JAK2: variants seen among roughly 807,000 people sequenced by gnomAD.
JAK2 encodes Janus kinase 2.
A neutral mutation model predicts 139.3 loss-of-function variants in JAK2; 86 were observed. The ratio of observed to expected loss-of-function variants is 0.62; its 90% CI spans 0.52 to 0.74. The LOEUF (loss-of-function observed/expected upper bound fraction) is 0.74. JAK2 is among the 30% of genes least tolerant of loss of function. The pLI is 0.00. For missense variants in JAK2, 1,421 were observed against 1,360.3 expected (o/e 1.04, Z -0.70); for synonymous variants, 490 against 437.7 (o/e 1.12, Z -1.49).
Position 5,044,524 on chromosome 9 carries a change from T to A in JAK2, c.468+4T>A. ...CATGTCTTACCTCTTTGCTCAGGTA[T>A]GATTATATTATCTTACTTGTACATG... is the stretch of plus-strand genomic sequence containing the variant. On this transcript the variant is annotated splice_donor_region_variant and intron_variant, in intron 5 of 24. Transcript: ENST00000381652. The A allele has an allele frequency of 1.3e-6, 2 of 1,487,634 alleles. No homozygotes were observed. The highest frequency in any genetic ancestry group is 1.9e-6 in the Non-Finnish European group (2 of 1,076,914). The allele number at this position is 1,487,634 out of a possible 1,614,324, so 92.2% of individuals were successfully genotyped here.
intron 5 of JAK2, among the ~76,000 whole-genome samples, chr9:5,050,180 T>C (rs893352768): frequency 7.9e-5 from 12 of 152,374 alleles, no homozygotes; most frequent in African/African-American, 2.9e-4. Flanking sequence ...GTTGATGTTA[T>C]ATGTACTCTG....
At chr9:5,057,290 T>C (rs978060883) in intron 8 of JAK2, among the ~76,000 whole-genome samples, 1 of 152,116 alleles carries the variant, frequency 6.6e-6, no homozygotes, top group African/African-American at 2.4e-5. Context: ...TAATTTTTGC[T>C]TATTATTGCA....
At chr9:5,079,588 G>A (rs1445100129) in intron 16 of JAK2, among the ~76,000 whole-genome samples, 15 of 151,392 alleles carry the variant, frequency 9.9e-5, no homozygotes, top group Non-Finnish European at 1.5e-5. Flanking sequence ...TACTACTTAC[G>A]CATTATGAAG....
chr9:5,060,423 C>G (rs945318381), intron 8 of JAK2, among the ~76,000 whole-genome samples: 5 of 152,158 alleles, frequency 3.3e-5, no homozygotes, highest in Non-Finnish European at 7.3e-5. Context: ...CCTCTCAAAC[C>G]CTGCCACTGC....
At chr9:5,039,001 C>A (rs529346074) in intron 4 of JAK2, among the ~76,000 whole-genome samples, 1 of 152,178 alleles carries the variant, frequency 6.6e-6, no homozygotes, top group South Asian at 2.1e-4. Context: ...TGGCAAGGAA[C>A]TTCCTCAATT....
chr9:5,124,352 T>C (rs545595631), intron 23 of JAK2, among the ~76,000 whole-genome samples: 73 of 151,912 alleles, frequency 4.8e-4, no homozygotes, highest in African/African-American at 1.7e-3. Flanking sequence ...AGATCTTACA[T>C]TTAAGTCTGT....
chr9:5,055,781 A>C lies in JAK2; in HGVS notation c.1049A>C (p.Lys350Thr). The C allele has an allele frequency of 6.2e-7, 1 of 1,610,004 alleles. No homozygotes were observed. Among genetic ancestry groups the C allele is most frequent in the Non-Finnish European group, 8.5e-7 (1 of 1,177,352 alleles). The change falls in exon 8 of 25, where the codon AAA becomes ACA. Residue 350 changes from lysine to threonine, a missense_variant. Coordinates refer to ENST00000381652, the MANE Select transcript of JAK2 (RefSeq NM_004972.4). ...GTAACTATCCATAAGCAAGATGGTA[A>C]AAATCTGGTAAGTTTGCTTTATGAT... ...RVVTIHKQDG[K>T]NLEIELSSLR... is the part of the protein sequence containing the mutation.
chr9:4,984,693 C>A (rs899675615), upstream of JAK2: 32 of 152,062 alleles, frequency 2.1e-4, no homozygotes, highest in African/African-American at 6.5e-4. Context: ...GAGAAGTGTG[C>A]GGGAGGGGAG....
chr9:5,039,101 T>C (rs1339572230), intron 4 of JAK2, among the ~76,000 whole-genome samples: 7 of 152,122 alleles, frequency 4.6e-5, no homozygotes, highest in Admixed American at 3.3e-4. Flanking sequence ...AGGAATGAGA[T>C]GAGGATAGCT....
chr9:5,069,558 A>G (rs1169555713), intron 11 of JAK2, among the ~76,000 whole-genome samples: 2 of 152,160 alleles, frequency 1.3e-5, no homozygotes, highest in African/African-American at 4.8e-5. Flanking sequence ...AAATAAAGAC[A>G]GTAAAGTTGG....
Position 5,044,499 on chromosome 9 carries a change from C to A in JAK2, c.447C>A (p.Val149=), listed in dbSNP as rs1392388179. 6.2e-7 allele frequency: 1 copy of A among 1,601,932 alleles called. No homozygotes were observed. Among genetic ancestry groups the A allele is most frequent in the South Asian group, 1.1e-5 (1 of 90,306 alleles). ...AAGCTCCTCTTCTTGATGACTTTGT[C>A]ATGTCTTACCTCTTTGCTCAGGTAT... ...GAEAPLLDDF[V]MSYLFAQWRH... Residue 149 remains valine, a synonymous_variant, in exon 5 of 25, where the codon GTC becomes GTA. Coordinates refer to ENST00000381652, the MANE Select transcript of JAK2 (RefSeq NM_004972.4).
At chr9:5,026,663 A>C (rs1822802297) in intron 3 of JAK2, among the ~76,000 whole-genome samples, 1 of 152,154 alleles carries the variant, frequency 6.6e-6, no homozygotes, top group Non-Finnish European at 1.5e-5. Flanking sequence ...ATTCTGTGGA[A>C]CTTCTAAAGA....
At chr9:5,065,464 C>T (rs548380660) in intron 9 of JAK2, among the ~76,000 whole-genome samples, 2 of 152,302 alleles carry the variant, frequency 1.3e-5, no homozygotes, top group East Asian at 3.9e-4. Context: ...CATTTCTAGA[C>T]TAGTGCTATG....
In JAK2 at chr9:5,053,152, C is replaced by T. The variant is rs191086963; in HGVS notation, c.615-1411C>T. On this transcript the variant is annotated intron_variant, in intron 6 of 24. Transcript: ENST00000381652. ...CAACTCTTTCCGCACTTGTTTCTGT[C>T]TGTATTTTATCCATCCTAGTGGGTG... 5.1e-4 allele frequency among the ~76,000 whole-genome samples: 78 copies of T among 152,118 alleles called. 2 individuals carry two copies. The highest frequency in any genetic ancestry group is 2.0e-3 in the Admixed American group (30 of 15,276).
At chr9:5,082,418 A>G (rs1819767515) in intron 19 of JAK2, among the ~76,000 whole-genome samples, 1 of 152,260 alleles carries the variant, frequency 6.6e-6, no homozygotes, top group African/African-American at 2.4e-5. Context: ...ATAATAAAGC[A>G]GCATTGCTGC....
chr9:5,041,314 GTGCAGCCAGCA>G, intron 4 of JAK2: 2 of 781,878 alleles, frequency 2.6e-6, no homozygotes, highest in South Asian at 3.2e-5. Context: ...AGCACATCCC[GTGCAGCCAGCA>G]CAAGAGCTTG....
At chr9:5,100,661 T>C (rs1361075396) in intron 22 of JAK2, 1 of 152,194 alleles carries the variant, frequency 6.6e-6, no homozygotes, top group African/African-American at 2.4e-5. Flanking sequence ...CATCAGGAGT[T>C]TCAGTTACTT....
At chr9:5,002,874 T>C (rs182516814) in intron 2 of JAK2, among the ~76,000 whole-genome samples, 84 of 152,122 alleles carry the variant, frequency 5.5e-4, no homozygotes, top group Non-Finnish European at 5.7e-4. Flanking sequence ...AGAGGTCACA[T>C]TGGTCTGTTT....
At chr9:5,019,005 G>T (rs1822244752) in intron 2 of JAK2, among the ~76,000 whole-genome samples, 1 of 152,042 alleles carries the variant, frequency 6.6e-6, no homozygotes, top group Non-Finnish European at 1.5e-5. Flanking sequence ...TTGACAAACT[G>T]TTGACAGTTT....
Sources: gnomAD v4.1 joint callset for allele counts (sites outside exome capture counted in the v4.1 genomes callset) on GRCh38, gnomAD v4.1.1 for gene constraint, MANE v1.5 for transcripts, NCBI Gene and HGNC (gene_info 2026-07-23, HGNC 2026-07-21) for gene names.